Variants in GLIS3 observed in about 807,000 individuals in gnomAD.
The protein encoded by GLIS3 is zinc finger protein GLIS3.
A neutral mutation model predicts 78.6 loss-of-function variants in GLIS3; 53 were observed. That is an observed-to-expected ratio of 0.67 (90% CI 0.54 to 0.85). The LOEUF (loss-of-function observed/expected upper bound fraction) is 0.85. Ranked by LOEUF, GLIS3 falls within the 40% of genes least tolerant of loss-of-function variation. The pLI, the probability that GLIS3 is intolerant of heterozygous loss-of-function variation, is 0.00. For missense variants in GLIS3, 1,703 were observed against 1,231.1 expected, an observed-to-expected ratio of 1.38 and a Z score of -5.74; for synonymous variants, 684 against 509.9, an observed-to-expected ratio of 1.34 and a Z score of -4.60.
the GLIS3 span, among the ~76,000 whole-genome samples, chr9:4,446,150 G>A: frequency 3.4e-4 from 52 of 152,300 alleles, no homozygotes; most frequent in African/African-American, 1.3e-3. Flanking sequence ...GTCTGAATGT[G>A]TCCCTCCAAA....
At chr9:4,145,090 A>G (rs1482451670) in intron 2 of GLIS3, 1 of 152,236 alleles carries the variant, frequency 6.6e-6, no homozygotes, top group African/African-American at 2.4e-5. Context: ...GGTAAGGCAG[A>G]TGCTCCCAGA....
rs192927377 is a variant in GLIS3 at position 3,866,296 on chromosome 9, G to A, written c.2298-10112C>T. Among the ~76,000 whole-genome samples the A allele has an allele frequency of 5.4e-3, 828 of 152,172 alleles. 6 individuals carry two copies. The highest frequency in any genetic ancestry group is 4.7e-3 in the Non-Finnish European group (321 of 68,006). On this transcript the variant is annotated intron_variant, in intron 8 of 10. Coordinates refer to ENST00000381971, the MANE Select transcript of GLIS3 (RefSeq NM_001042413.2). ...AACAAACAGTGCAATTTCAGGGAGCGAGAAGTCAATGAAGGAAAATTAAAG... is the reference window on the plus strand; with the variant it reads ...AACAAACAGTGCAATTTCAGGGAGCAAGAAGTCAATGAAGGAAAATTAAAG...
chr9:4,249,847 G>T (rs1010796020), intron 2 of GLIS3, among the ~76,000 whole-genome samples: 1 of 152,096 alleles, frequency 6.6e-6, no homozygotes, highest in Non-Finnish European at 1.5e-5. Context: ...GAATTTTATC[G>T]AAGGCCTTTT....
intron 4 of GLIS3, among the ~76,000 whole-genome samples, chr9:3,938,016 G>C (rs1825991064): frequency 6.6e-6 from 1 of 152,078 alleles, no homozygotes. Flanking sequence ...TCTTCTGAGG[G>C]CAAAATATCA....
intron 9 of GLIS3, among the ~76,000 whole-genome samples, chr9:3,845,206 A>T (rs1480116099): frequency 6.6e-6 from 1 of 152,234 alleles, no homozygotes; most frequent in African/African-American, 2.4e-5. Flanking sequence ...ATGATGACCT[A>T]TTCTTATGAG....
intron 9 of GLIS3, among the ~76,000 whole-genome samples, chr9:3,852,369 AAG>A (rs1032077767): frequency 9.2e-5 from 14 of 152,180 alleles, no homozygotes; most frequent in African/African-American, 3.4e-4. Flanking sequence ...AAGTTTTTGA[AAG>A]AGAGAACAAA....
chr9:4,114,024 G>GT (rs930437489), intron 4 of GLIS3, among the ~76,000 whole-genome samples: 7 of 61,242 alleles, frequency 1.1e-4, no homozygotes, highest in African/African-American at 3.8e-4. Context: ...GGAGGCCCAC[G>GT]TTCCCCCAAT....
chr9:3,865,206 T>C (rs1820492380), intron 8 of GLIS3, among the ~76,000 whole-genome samples: 1 of 152,174 alleles, frequency 6.6e-6, no homozygotes, highest in African/African-American at 2.4e-5. Context: ...AAAAGGTTCA[T>C]CCAATGAACT....
intron 4 of GLIS3, among the ~76,000 whole-genome samples, chr9:3,972,917 G>C (rs150143283): frequency 6.6e-6 from 1 of 152,006 alleles, no homozygotes; most frequent in Admixed American, 6.6e-5. Context: ...CTCTTCTGAC[G>C]CTGATTGCAA....
intron 2 of GLIS3, among the ~76,000 whole-genome samples, chr9:4,155,193 C>T (rs1019507770): frequency 6.6e-6 from 1 of 151,986 alleles, no homozygotes; most frequent in Non-Finnish European, 1.5e-5. Context: ...AAAAATAATG[C>T]TCTGAAGAAA....
intron 8 of GLIS3, among the ~76,000 whole-genome samples, chr9:3,868,836 CAT>C (rs1820780548): frequency 5.9e-4 from 1 of 1,696 alleles, no homozygotes; most frequent in Non-Finnish European, 1.3e-3. Flanking sequence ...ACTTGTTGTA[CAT>C]AGTGTTGTAT....
intron 4 of GLIS3, among the ~76,000 whole-genome samples, chr9:4,089,631 G>T (rs900675646): frequency 6.6e-6 from 1 of 152,038 alleles, no homozygotes; most frequent in Non-Finnish European, 1.5e-5. Flanking sequence ...TTTGAAACCA[G>T]CCTGGGCAAA....
chr9:4,247,491 C>T (rs1006097124), intron 2 of GLIS3, among the ~76,000 whole-genome samples: 4 of 152,152 alleles, frequency 2.6e-5, no homozygotes, highest in African/African-American at 4.8e-5. Context: ...ATCAAATTTG[C>T]GCATATGTTC....
chr9:3,907,605 A>AAC (rs1041005940), intron 6 of GLIS3, among the ~76,000 whole-genome samples: 18,416 of 91,946 alleles, frequency 0.2, 1,865 homozygotes, highest in Admixed American at 0.27. Context: ...CCACCCCCCA[A>AAC]ACACACACAC....
intron 7 of GLIS3, among the ~76,000 whole-genome samples, chr9:3,882,166 T>C (rs1199684572): frequency 6.6e-6 from 1 of 152,124 alleles, no homozygotes; most frequent in African/African-American, 2.4e-5. Flanking sequence ...GTGCCTGGTA[T>C]CTCCAAACAG....
chr9:3,864,538 G>C (rs1411195634), intron 8 of GLIS3, among the ~76,000 whole-genome samples: 1 of 152,168 alleles, frequency 6.6e-6, no homozygotes, highest in African/African-American at 2.4e-5. Context: ...GCCAAGTGTG[G>C]TCAGGTACCT....
chr9:4,162,711 G>A (rs560515921), intron 2 of GLIS3, among the ~76,000 whole-genome samples: 22 of 151,918 alleles, frequency 1.4e-4, no homozygotes, highest in African/African-American at 5.1e-4. Context: ...CAAAAAATAA[G>A]CTGGGCATAG....
intron 2 of GLIS3, among the ~76,000 whole-genome samples, chr9:4,311,067 G>C (rs1817344301): frequency 6.6e-6 from 1 of 152,180 alleles, no homozygotes; most frequent in African/African-American, 2.4e-5. Context: ...CCGAAAGCCA[G>C]AGTGTCTTCG....
intron 6 of GLIS3, among the ~76,000 whole-genome samples, chr9:3,926,779 T>C (rs1487847115): frequency 6.6e-6 from 1 of 151,800 alleles, no homozygotes; most frequent in Non-Finnish European, 1.5e-5. Flanking sequence ...CACGCCACCA[T>C]GCCTGGCTAA....
Sources: allele counts gnomAD v4.1 joint callset (sites outside exome capture counted in the v4.1 genomes callset), GRCh38; gene constraint gnomAD v4.1.1; transcripts MANE v1.5; gene names NCBI Gene and HGNC (gene_info 2026-07-23, HGNC 2026-07-21).